STXBP5L: variants seen among roughly 807,000 people sequenced by gnomAD.
The protein encoded by STXBP5L is syntaxin-binding protein 5-like.
In STXBP5L, 65 loss-of-function variants were observed where a neutral mutation model predicts 144.5. The observed-to-expected ratio is 0.45, with a 90% CI of 0.37 to 0.55. The LOEUF (loss-of-function observed/expected upper bound fraction) is 0.55. STXBP5L is among the 20% of genes least tolerant of loss of function. The pLI, the probability that STXBP5L is intolerant of heterozygous loss-of-function variation, is 0.00. For synonymous variants in STXBP5L, 505 were observed against 469.6 expected (o/e 1.08, Z -0.97); for missense variants, 1,298 against 1,405.5 (o/e 0.92, Z 1.22).
In STXBP5L at chr3:121,259,054, G is replaced by A. The variant is rs752435475; in HGVS notation, c.1844G>A (p.Arg615Gln). 1.0e-5 allele frequency: 16 copies of A among 1,598,996 alleles called. No individual in the cohort carries two copies. Among genetic ancestry groups the A allele is most frequent in the Middle Eastern group, 1.7e-4 (1 of 6,012 alleles). ...DSIPCLNVKTRPVRMPPGYQA... is the reference protein window; with the variant it reads ...DSIPCLNVKTQPVRMPPGYQA... The stretch of plus-strand genomic sequence containing the variant: ...TTTTGTTCTTAAAGTGTGAAGACAC[G>A]GCCAGTGCGAATGCCTCCAGGATAT... Residue 615 changes from arginine to glutamine, a missense_variant, in exon 18 of 27, where the codon CGG (arginine) becomes CAG (glutamine). Arg to Gln is a conservative substitution (Grantham distance 43). Coordinates refer to ENST00000471454, the MANE Select transcript of STXBP5L (RefSeq NM_001308330.2).
chr3:121,143,832 A>AGACCTTAAACTCTGAAATAAACATAG (rs2045607628), intron 7 of STXBP5L, among the ~76,000 whole-genome samples: 1 of 151,962 alleles, frequency 6.6e-6, no homozygotes. Flanking sequence ...CTTAAACATA[A>AGACCTTAAACTCTGAAATAAACATAG]GACCTTAAAC....
chr3:121,023,624 G>A (rs954668176), intron 3 of STXBP5L, among the ~76,000 whole-genome samples: 1 of 152,148 alleles, frequency 6.6e-6, no homozygotes. Context: ...AACATAAGAT[G>A]AGGAAAGGAC....
chr3:121,222,944 T>G (rs529287588), intron 10 of STXBP5L, 59 bp from the exon 11 acceptor site: 2 of 1,532,214 alleles, frequency 1.3e-6, no homozygotes, highest in Non-Finnish European at 1.7e-6. Context: ...GGTTCAGTCC[T>G]GTGACTTTGT....
At chr3:120,909,794 A>G in intron 2 of STXBP5L, 27 bp downstream of exon 2, 1 of 1,589,974 alleles carries the variant, frequency 6.3e-7, no homozygotes, top group Non-Finnish European at 8.5e-7. Context: ...CTTAAAGCCT[A>G]TTATTTCTTT....
intron 6 of STXBP5L, 90 bp downstream of exon 6, chr3:121,115,149 C>T: frequency 8.3e-7 from 1 of 1,206,508 alleles, no homozygotes; most frequent in Non-Finnish European, 1.1e-6. Context: ...TTTGATACGT[C>T]TATTACTAAT....
rs556416997 is a variant in STXBP5L, at chr3:121,190,051, C to CT, written c.878-15862dup. 8.0e-3 allele frequency among the ~76,000 whole-genome samples: 1,166 copies of CT among 145,966 alleles called. 15 individuals are homozygous for CT. The highest frequency in any genetic ancestry group is 0.05 in the East Asian group (250 of 5,030). On this transcript the variant is annotated intron_variant, in intron 9 of 26. Coordinates refer to ENST00000471454, the MANE Select transcript of STXBP5L (RefSeq NM_001308330.2). ...TTTAATAAGCTTTGGTTTTTTGTCC[C>CT]TTTTTTTTTTAATTTTTTTAGTATT... is the stretch of plus-strand genomic sequence containing the variant.
At chr3:121,324,775 G>C (rs936941698) in intron 20 of STXBP5L, among the ~76,000 whole-genome samples, 2 of 151,990 alleles carry the variant, frequency 1.3e-5, no homozygotes, top group Non-Finnish European at 2.9e-5. Flanking sequence ...ATATGAATTA[G>C]GAATCCCTAA....
chr3:121,164,626 T>C (rs1341335256), intron 9 of STXBP5L, among the ~76,000 whole-genome samples: 1 of 152,146 alleles, frequency 6.6e-6, no homozygotes, highest in Non-Finnish European at 1.5e-5. Context: ...AGCCAAGATA[T>C]GGAAACAGCC....
chr3:121,150,773 G>A (rs2045903552), intron 7 of STXBP5L, among the ~76,000 whole-genome samples: 1 of 151,916 alleles, frequency 6.6e-6, no homozygotes, highest in African/African-American at 2.4e-5. Context: ...TCCTTGCCAA[G>A]AGTCTCATAC....
At chr3:120,974,056 G>A (rs373800746) in intron 3 of STXBP5L, among the ~76,000 whole-genome samples, 11 of 151,794 alleles carry the variant, frequency 7.2e-5, no homozygotes, top group Admixed American at 2.0e-4. Context: ...GGTATATACC[G>A]AGTAATGGGA....
intron 18 of STXBP5L, among the ~76,000 whole-genome samples, chr3:121,276,868 C>T (rs1200432924): frequency 6.6e-6 from 1 of 151,674 alleles, no homozygotes; most frequent in Non-Finnish European, 1.5e-5. Context: ...CTATTATCTG[C>T]AGGCTTATTA....
chr3:121,371,029 G>A (rs536228342), intron 20 of STXBP5L, among the ~76,000 whole-genome samples: 6 of 152,176 alleles, frequency 3.9e-5, no homozygotes, highest in African/African-American at 1.4e-4. Flanking sequence ...TCTCAGCCCA[G>A]TTAAGAACTC....
intron 7 of STXBP5L, among the ~76,000 whole-genome samples, chr3:121,126,791 T>C (rs2044721892): frequency 6.6e-6 from 1 of 152,190 alleles, no homozygotes; most frequent in South Asian, 2.1e-4. Flanking sequence ...AATCAAGGTA[T>C]CTGCAGGGTT....
chr3:121,029,964 A>G (rs1350935369), intron 3 of STXBP5L, among the ~76,000 whole-genome samples: 2 of 152,218 alleles, frequency 1.3e-5, no homozygotes, highest in African/African-American at 2.4e-5. Flanking sequence ...AATGCAAATC[A>G]AAACTACAAT....
chr3:121,393,428 G>C (rs1427527008), intron 22 of STXBP5L, among the ~76,000 whole-genome samples: 1 of 152,042 alleles, frequency 6.6e-6, no homozygotes, highest in Non-Finnish European at 1.5e-5. Flanking sequence ...AAGCTTTTCA[G>C]TTTAATTAAG....
intron 9 of STXBP5L, among the ~76,000 whole-genome samples, chr3:121,198,362 C>T (rs1020281933): frequency 6.5e-4 from 99 of 151,704 alleles, no homozygotes; most frequent in African/African-American, 2.3e-3. Flanking sequence ...TGTTTAAGTT[C>T]CTTGTAGATT....
At chr3:121,265,835 TATAAACTAGTATTTCTAGTTTATA>T in intron 18 of STXBP5L, among the ~76,000 whole-genome samples, 1 of 152,218 alleles carries the variant, frequency 6.6e-6, no homozygotes, top group South Asian at 2.1e-4. Context: ...CAGAGAATAC[TATAAACTAGTATTTCTAGTTTATA>T]ATAAACTAGA....
chr3:121,114,302 C>CTTTATAAGTGCCACACACTTTATAAGT (rs1400757144), intron 5 of STXBP5L, among the ~76,000 whole-genome samples: 3 of 152,092 alleles, frequency 2.0e-5, no homozygotes, highest in Non-Finnish European at 4.4e-5. Flanking sequence ...GAAGCTCTGA[C>CTTTATAAGTGCCACACACTTTATAAGT]TTTATAAGTT....
intron 18 of STXBP5L, among the ~76,000 whole-genome samples, chr3:121,273,628 A>T (rs191798723): frequency 9.0e-4 from 137 of 152,164 alleles, no homozygotes; most frequent in Non-Finnish European, 1.5e-3. Flanking sequence ...TGAATCTCCC[A>T]TAATGTGACT....
Sources: allele counts gnomAD v4.1 joint callset (sites outside exome capture counted in the v4.1 genomes callset), GRCh38; gene constraint gnomAD v4.1.1; transcripts MANE v1.5; gene names NCBI Gene and HGNC (gene_info 2026-07-23, HGNC 2026-07-21).